FOXP2: variants seen among roughly 807,000 people sequenced by gnomAD.
The protein encoded by FOXP2 is forkhead box protein P2.
Under a neutral mutation model 115.8 loss-of-function variants are expected in FOXP2, and 12 were observed. That is an observed-to-expected ratio of 0.10 (90% CI 0.07 to 0.17). FOXP2 has a LOEUF of 0.17. FOXP2 is among the 10% of genes least tolerant of loss of function. FOXP2 has a pLI of 1.00. For missense variants in FOXP2, 629 were observed against 843.5 expected (o/e 0.75, Z 3.15); for synonymous variants, 328 against 297.7 (o/e 1.10, Z -1.05).
intron 1 of FOXP2, among the ~76,000 whole-genome samples, chr7:114,091,224 G>A (rs549761767): frequency 4.3e-4 from 66 of 151,904 alleles, no homozygotes; most frequent in African/African-American, 1.5e-3. Context: ...AAAGTGCCTA[G>A]CTGTGGTGAA....
At position 114,659,341 on chromosome 7, in the gene FOXP2, T is replaced by C. The variant is rs772801392; in HGVS notation, c.1469-15T>C. The C allele has an allele frequency of 6.4e-7, 1 of 1,565,352 alleles. No homozygotes were observed. Among genetic ancestry groups the C allele is most frequent in the Non-Finnish European group, 8.8e-7 (1 of 1,137,186 alleles). On this transcript the variant is annotated splice_polypyrimidine_tract_variant and intron_variant, in intron 11 of 16. Transcript: ENST00000350908. Reference sequence around the variant, plus strand: ...AATTATTAGCAGAATTAACACCTAGTTTTTATTTTTATAGAAATTGCCCCA... The same window carrying C: ...AATTATTAGCAGAATTAACACCTAGCTTTTATTTTTATAGAAATTGCCCCA...
chr7:114,388,955 C>T (rs751214966), intron 2 of FOXP2, among the ~76,000 whole-genome samples: 22 of 152,104 alleles, frequency 1.4e-4, no homozygotes, highest in Non-Finnish European at 2.5e-4. Flanking sequence ...TAAGTTAGGA[C>T]GTTGAATATT....
chr7:114,132,570 TGTGTGTGTGTGTGA>T (rs1426241756), intron 1 of FOXP2, among the ~76,000 whole-genome samples: 8 of 132,364 alleles, frequency 6.0e-5, no homozygotes, highest in African/African-American at 2.3e-4. Flanking sequence ...TGTGTGTGTG[TGTGTGTGTGTGTGA>T]GAGAGAGAGA....
At chr7:114,217,586 T>C (rs1430674076) in intron 1 of FOXP2, among the ~76,000 whole-genome samples, 2 of 152,080 alleles carry the variant, frequency 1.3e-5, no homozygotes, top group Non-Finnish European at 2.9e-5. Flanking sequence ...TAATCCAAAT[T>C]AAAAGGAGGT....
intron 3 of FOXP2, among the ~76,000 whole-genome samples, chr7:114,603,067 G>C (rs921741824): frequency 4.6e-5 from 7 of 152,114 alleles, no homozygotes; most frequent in Non-Finnish European, 7.4e-5. Flanking sequence ...GCAGCAAAAT[G>C]ATGACTATTT....
rs1403595152 is a variant in FOXP2, at chr7:114,691,398, G to A, written c.*1472G>A. Reference sequence around the variant, plus strand: ...AAGATTATAGCAATTGTAGTCCATGGTATTTATTTTCAGTCAAACCAAAGT... The same window carrying A: ...AAGATTATAGCAATTGTAGTCCATGATATTTATTTTCAGTCAAACCAAAGT... On this transcript the variant is annotated 3_prime_UTR_variant, in exon 17 of 17. Coordinates refer to ENST00000350908, the MANE Select transcript of FOXP2 (RefSeq NM_014491.4). 2.2e-6 allele frequency: 1 copy of A among 453,910 alleles called. No homozygotes were observed. Among genetic ancestry groups the A allele is most frequent in the Non-Finnish European group, 4.4e-6 (1 of 226,732 alleles). 28.1% of individuals were successfully genotyped at this position (453,910 alleles called of 1,614,324 possible).
intron 16 of FOXP2, among the ~76,000 whole-genome samples, chr7:114,687,874 A>T (rs1418708639): frequency 6.6e-6 from 1 of 152,082 alleles, no homozygotes; most frequent in Non-Finnish European, 1.5e-5. Context: ...TTAAATTTTA[A>T]ATTTTTCTGT....
intron 3 of FOXP2, among the ~76,000 whole-genome samples, chr7:114,549,276 A>G (rs2129285783): frequency 6.6e-6 from 1 of 152,258 alleles, no homozygotes; most frequent in Non-Finnish European, 1.5e-5. Context: ...GAGAGCCAGA[A>G]AGTTTTAGTA....
At chr7:114,661,218 G>C (rs1715528649) in intron 13 of FOXP2, among the ~76,000 whole-genome samples, 2 of 151,876 alleles carry the variant, frequency 1.3e-5, no homozygotes, top group Non-Finnish European at 2.9e-5. Flanking sequence ...TACCTTGACA[G>C]GAAGAAATAT....
intron 3 of FOXP2, among the ~76,000 whole-genome samples, chr7:114,603,535 T>A (rs28564662): frequency 0.015 from 2,232 of 152,316 alleles, 49 homozygotes; most frequent in African/African-American, 0.05. Flanking sequence ...ATGTTTTACA[T>A]ATTGACTGAG....
chr7:114,134,298 G>A (rs1791964910), intron 1 of FOXP2, among the ~76,000 whole-genome samples: 1 of 152,112 alleles, frequency 6.6e-6, no homozygotes, highest in Non-Finnish European at 1.5e-5. Context: ...ACAGAGCTGT[G>A]GGGCATGAGT....
chr7:114,608,279 C>T (rs1803439893), intron 3 of FOXP2, among the ~76,000 whole-genome samples: 1 of 152,166 alleles, frequency 6.6e-6, no homozygotes, highest in African/African-American at 2.4e-5. Flanking sequence ...TTGGTGTTGG[C>T]TGTGTTGTGG....
chr7:114,537,028 G>A (rs999668390), intron 3 of FOXP2, among the ~76,000 whole-genome samples: 2 of 151,400 alleles, frequency 1.3e-5, no homozygotes, highest in Admixed American at 6.6e-5. Context: ...AGGAATATTA[G>A]GTAATGCTTA....
At chr7:114,087,338 T>G (rs1799440094), upstream of FOXP2, among the ~76,000 whole-genome samples, 1 of 152,150 alleles carries the variant, frequency 6.6e-6, no homozygotes. Flanking sequence ...ATCGCGTTCC[T>G]TTCCCTGTCC....
In FOXP2 at chr7:114,658,212, T is replaced by A. The variant is rs1277076789; in HGVS notation, c.1413T>A (p.Asn471Lys). The change falls in exon 11 of 17, where the codon AAT becomes AAA. Residue 471 changes from asparagine (N) to lysine (K), a missense_variant. Asn to Lys is a moderately conservative substitution (Grantham distance 94). This residue lies in a region of FOXP2 where 101 missense variants were observed against 116.0 expected (regional missense o/e 0.87). Transcript: ENST00000350908. ...PSVITPASVPNVGAIRRRHSD... is the reference protein window; with the variant it reads ...PSVITPASVPKVGAIRRRHSD... The stretch of plus-strand genomic sequence containing the variant: ...TAATCACCCCAGCCAGTGTGCCCAA[T>A]GTGGGAGCCATACGAAGGCGACATT... 1 of 1,613,624 alleles carries A rather than the reference T, an allele frequency of 6.2e-7. No individual in the cohort carries two copies. The highest frequency in any genetic ancestry group is 8.5e-7 in the Non-Finnish European group (1 of 1,179,848).
intron 1 of FOXP2, among the ~76,000 whole-genome samples, chr7:114,212,028 G>C (rs865891292): frequency 6.6e-6 from 1 of 150,916 alleles, no homozygotes; most frequent in Non-Finnish European, 1.5e-5. Context: ...AGCTGAGATC[G>C]TGTCATCTCC....
chr7:114,390,972 A>AG (rs1416523674), intron 2 of FOXP2, among the ~76,000 whole-genome samples: 2 of 152,106 alleles, frequency 1.3e-5, no homozygotes, highest in Admixed American at 6.6e-5. Flanking sequence ...GCAGATCACG[A>AG]GGTCAGGAGT....
intron 1 of FOXP2, among the ~76,000 whole-genome samples, chr7:114,095,905 T>C (rs2129139887): frequency 6.6e-6 from 1 of 152,300 alleles, no homozygotes; most frequent in Admixed American, 6.5e-5. Context: ...TACATATCTT[T>C]GCTGTAGTTT....
At chr7:114,516,901 G>A (rs188448696) in intron 2 of FOXP2, among the ~76,000 whole-genome samples, 7 of 151,932 alleles carry the variant, frequency 4.6e-5, no homozygotes, top group Admixed American at 1.3e-4. Flanking sequence ...TCACCATGTT[G>A]CCCAGAATGG....
Sources: allele counts gnomAD v4.1 joint callset (sites outside exome capture counted in the v4.1 genomes callset), GRCh38; gene constraint gnomAD v4.1.1; regional missense constraint gnomAD v4.1.1; transcripts MANE v1.5; gene names NCBI Gene and HGNC (gene_info 2026-07-23, HGNC 2026-07-21).